The following CREB3L2 variants were observed in gnomAD, a reference collection of about 807,000 sequenced individuals.
CREB3L2 encodes cAMP responsive element binding protein 3 like 2.
In CREB3L2, 23 loss-of-function variants were observed where a neutral mutation model predicts 57.2. That is an observed-to-expected ratio of 0.40 (90% CI 0.29 to 0.57). CREB3L2 has a LOEUF of 0.57. Ranked by LOEUF, CREB3L2 falls within the 20% of genes least tolerant of loss-of-function variation. The probability of loss-of-function intolerance (pLI) is 0.42; values close to 1 mark genes in which losing one functional copy is unlikely to be tolerated. For missense variants in CREB3L2, 628 were observed against 634.7 expected, an observed-to-expected ratio of 0.99 and a Z score of 0.11; for synonymous variants, 268 against 265.1, an observed-to-expected ratio of 1.01 and a Z score of -0.11.
At chr7:137,938,288 C>T (rs563342007) in intron 1 of CREB3L2, among the ~76,000 whole-genome samples, 82 of 152,302 alleles carry the variant, frequency 5.4e-4, no homozygotes, top group African/African-American at 1.9e-3. Flanking sequence ...GGAAATCTTT[C>T]TACCTTCTGT....
intron 1 of CREB3L2, among the ~76,000 whole-genome samples, chr7:137,968,378 A>G (rs1801444892): frequency 6.6e-6 from 1 of 151,566 alleles, no homozygotes; most frequent in East Asian, 1.9e-4. Flanking sequence ...ACTCCCCAAC[A>G]GGCCCCAGTA....
intron 1 of CREB3L2, 83 bp from the exon 2 acceptor site, chr7:137,928,449 C>A: frequency 9.5e-7 from 1 of 1,056,814 alleles, no homozygotes; most frequent in East Asian, 2.5e-5. Flanking sequence ...AATACCTCAT[C>A]CACTGCTCGA....
chr7:137,940,570 C>T (rs780236738), intron 1 of CREB3L2, among the ~76,000 whole-genome samples: 5 of 152,130 alleles, frequency 3.3e-5, no homozygotes, highest in East Asian at 1.9e-4. Context: ...ACAAGAGAAA[C>T]GGTGACCAGA....
At chr7:137,949,037 C>G (rs964885571) in intron 1 of CREB3L2, among the ~76,000 whole-genome samples, 1 of 152,160 alleles carries the variant, frequency 6.6e-6, no homozygotes, top group Admixed American at 6.5e-5. Flanking sequence ...TGAAGTTGTC[C>G]CTCTTCCTAG....
intron 1 of CREB3L2, among the ~76,000 whole-genome samples, chr7:137,995,333 C>T (rs376657175): frequency 7.4e-4 from 65 of 87,426 alleles, no homozygotes; most frequent in African/African-American, 1.2e-3. Context: ...TCTTTTCTTT[C>T]TTTTTTTTTT....
intron 1 of CREB3L2, among the ~76,000 whole-genome samples, chr7:137,962,962 A>C (rs531481182): frequency 6.6e-6 from 1 of 152,246 alleles, no homozygotes; most frequent in African/African-American, 2.4e-5. Flanking sequence ...CAGCTTTCCT[A>C]AACAGCAAGG....
intron 1 of CREB3L2, among the ~76,000 whole-genome samples, chr7:137,992,795 T>C (rs1266827103): frequency 6.6e-6 from 1 of 152,172 alleles, no homozygotes; most frequent in Non-Finnish European, 1.5e-5. Flanking sequence ...GAGACAATCC[T>C]GTGGTCAGTA....
intron 1 of CREB3L2, among the ~76,000 whole-genome samples, chr7:137,972,708 A>AC (rs1554503522): frequency 5.6e-4 from 24 of 42,860 alleles, no homozygotes; most frequent in African/African-American, 1.4e-3. Flanking sequence ...AAAAAAAAAA[A>AC]AAAAATATAT....
rs1000020412 is a variant in CREB3L2 at position 137,886,989 on chromosome 7, C to T, written c.1044-1487G>A. On this transcript the variant is annotated intron_variant, in intron 8 of 11. Transcript: ENST00000330387. ...TTGAAGCTCCTCCTCATCCTCATCCCCCACCCCCAAACCCAGTGCATATGG... is the reference window on the plus strand; with the variant it reads ...TTGAAGCTCCTCCTCATCCTCATCCTCCACCCCCAAACCCAGTGCATATGG... Among the ~76,000 whole-genome samples the T allele has an allele frequency of 4.6e-5, 7 of 152,116 alleles. 1 individual carries two copies. The highest frequency in any genetic ancestry group is 4.6e-4 in the Admixed American group (7 of 15,274).
intron 2 of CREB3L2, among the ~76,000 whole-genome samples, chr7:137,924,374 T>C (rs1800403412): frequency 6.6e-6 from 1 of 152,222 alleles, no homozygotes; most frequent in South Asian, 2.1e-4. Flanking sequence ...TGAACAGCCC[T>C]CATCCAGCAC....
intron 2 of CREB3L2, chr7:137,922,644 C>T (rs1227083225): frequency 2.9e-5 from 13 of 448,640 alleles, no homozygotes; most frequent in Middle Eastern, 3.3e-4. Context: ...TTGAACCATG[C>T]GGGTCCACTC....
At chr7:137,988,673 T>C (rs951331388) in intron 1 of CREB3L2, among the ~76,000 whole-genome samples, 3 of 152,178 alleles carry the variant, frequency 2.0e-5, no homozygotes, top group Non-Finnish European at 4.4e-5. Context: ...GCTATCCTTT[T>C]GCAAAGCCCC....
chr7:137,999,664 T>C (rs1211178385), intron 1 of CREB3L2: 2 of 152,146 alleles, frequency 1.3e-5, no homozygotes, highest in Non-Finnish European at 2.9e-5. Context: ...AAACGTCCCT[T>C]AGTTTGAGAG....
intron 1 of CREB3L2, among the ~76,000 whole-genome samples, chr7:137,936,157 A>G (rs1800778742): frequency 6.6e-6 from 1 of 152,226 alleles, no homozygotes; most frequent in South Asian, 2.1e-4. Context: ...GCATGGGCAG[A>G]AAGATGAATA....
At position 137,890,527 on chromosome 7, in the gene CREB3L2, G is replaced by T. The variant is rs563052852; in HGVS notation, c.1044-5025C>A. ...TGCTATGTGCCTTTAATCAAGTTAA[G>T]TTCTGAGTTTAGGCAGCTACTCAGA... On this transcript the variant is annotated intron_variant, in intron 8 of 11. Coordinates refer to ENST00000330387, the MANE Select transcript of CREB3L2 (RefSeq NM_194071.4). 5.6e-4 allele frequency among the ~76,000 whole-genome samples: 86 copies of T among 152,352 alleles called. 1 individual carries two copies. The highest frequency in any genetic ancestry group is 2.0e-3 in the African/African-American group (82 of 41,580).
intron 5 of CREB3L2, among the ~76,000 whole-genome samples, chr7:137,906,405 CA>C (rs1799892401): frequency 1.3e-5 from 2 of 152,180 alleles, no homozygotes; most frequent in South Asian, 4.1e-4. Context: ...ACAATGAAGA[CA>C]AGAACAGTAG....
chr7:137,885,826 T>TGATTG, intron 8 of CREB3L2, among the ~76,000 whole-genome samples: 1 of 152,338 alleles, frequency 6.6e-6, no homozygotes, highest in Middle Eastern at 3.4e-3. Context: ...AGGAACACTC[T>TGATTG]GATTGGATGG....
At chr7:137,984,502 G>A (rs1801762443) in intron 1 of CREB3L2, among the ~76,000 whole-genome samples, 2 of 152,238 alleles carry the variant, frequency 1.3e-5, no homozygotes, top group Non-Finnish European at 2.9e-5. Context: ...CAGCCTCACG[G>A]GAAGGGCCCC....
intron 1 of CREB3L2, among the ~76,000 whole-genome samples, chr7:137,931,039 C>G (rs1244786205): frequency 1.3e-5 from 2 of 151,610 alleles, no homozygotes; most frequent in African/African-American, 4.8e-5. Context: ...CTAAACCAGC[C>G]TGGGCAACAT....
Sources: allele counts gnomAD v4.1 joint callset (sites outside exome capture counted in the v4.1 genomes callset), GRCh38; gene constraint gnomAD v4.1.1; transcripts MANE v1.5; gene names NCBI Gene and HGNC (gene_info 2026-07-23, HGNC 2026-07-21).